DAB2: variants seen among roughly 807,000 people sequenced by gnomAD.
DAB2 encodes disabled homolog 2.
Under a neutral mutation model 71.6 loss-of-function variants are expected in DAB2, and 28 were observed. That is an observed-to-expected ratio of 0.39 (90% CI 0.29 to 0.54). The LOEUF (loss-of-function observed/expected upper bound fraction) is 0.54, where lower values mean the gene tolerates loss of function less well. Among genes scored for constraint, DAB2 ranks in the 20% least tolerant of loss-of-function variants. The pLI, the probability that DAB2 is intolerant of heterozygous loss-of-function variation, is 0.68. For missense variants in DAB2, 867 were observed against 928.8 expected (o/e 0.93, Z 0.86); for synonymous variants, 345 against 339.7 (o/e 1.02, Z -0.17).
chr5:39,376,138 A>G, intron 12 of DAB2, 32 bp from the exon 13 acceptor site: 1 of 1,565,216 alleles, frequency 6.4e-7, no homozygotes, highest in Non-Finnish European at 8.8e-7. Flanking sequence ...CAATCAGTAG[A>G]CAAGCTTTCC....
intron 6 of DAB2, among the ~76,000 whole-genome samples, 172 bp from the exon 7 acceptor site, chr5:39,389,295 T>C (rs985749352): frequency 6.6e-6 from 1 of 152,072 alleles, no homozygotes; most frequent in Non-Finnish European, 1.5e-5. Flanking sequence ...TTGAGTAGAG[T>C]TACTGGATTT....
rs776811214 is a variant in DAB2, at chr5:39,383,111, T to C, written c.848A>G (p.Asn283Ser). The part of the protein sequence containing the change: ...SFLPENAFSA[N>S]LNFFPTPNPD... ...ATTAGGGGTGGGAAAGAAGTTGAGA[T>C]TGGCAGAAAAGGCATTTTCAGGCAA... Residue 283 changes from asparagine (N) to serine (S), a missense_variant, in exon 10 of 15, where the codon AAT (asparagine) becomes AGT (serine). Asn to Ser is a conservative substitution (Grantham distance 46). Coordinates refer to ENST00000320816, the MANE Select transcript of DAB2 (RefSeq NM_001343.4). 33 of 1,613,980 alleles carry C rather than the reference T, an allele frequency of 2.0e-5. No individual in the cohort carries two copies. The highest frequency in any genetic ancestry group is 1.0e-5 in the Non-Finnish European group (12 of 1,180,038).
chr5:39,372,899 T>G lies in DAB2; in HGVS notation c.*532A>C, dbSNP rs533386656. ...GATTCCAAAGTGTCTAAGGAGAAGT[T>G]GTAGTTGCTTCAATTTTACTTTAGA... On this transcript the variant is annotated 3_prime_UTR_variant, in exon 15 of 15. Coordinates refer to ENST00000320816, the MANE Select transcript of DAB2 (RefSeq NM_001343.4). The G allele has an allele frequency of 4.9e-4, 74 of 152,224 alleles. No individual in the cohort carries two copies. The highest frequency in any genetic ancestry group is 1.7e-3 in the African/African-American group (71 of 41,552). The allele number at this position is 152,224 out of a possible 1,614,324, so 9.4% of individuals were successfully genotyped here.
At chr5:39,416,440 G>A (rs1387081212) in intron 1 of DAB2, among the ~76,000 whole-genome samples, 2 of 151,994 alleles carry the variant, frequency 1.3e-5, no homozygotes, top group Non-Finnish European at 2.9e-5. Flanking sequence ...ATCAGGTATC[G>A]GTGTTCAATT....
At chr5:39,374,957 A>C in intron 14 of DAB2, 57 bp downstream of exon 14, 1 of 1,076,108 alleles carries the variant, frequency 9.3e-7, no homozygotes, top group East Asian at 2.4e-5. Context: ...TCTTTATTCC[A>C]TGTCACCCTT....
intron 11 of DAB2, among the ~76,000 whole-genome samples, chr5:39,378,968 T>C (rs533737431): frequency 6.6e-6 from 1 of 152,326 alleles, no homozygotes; most frequent in African/African-American, 2.4e-5. Flanking sequence ...TGGGTTTAGT[T>C]TGAACAAAGT....
At chr5:39,405,319 G>A (rs1481982211) in intron 1 of DAB2, among the ~76,000 whole-genome samples, 1 of 152,146 alleles carries the variant, frequency 6.6e-6, no homozygotes, top group East Asian at 1.9e-4. Flanking sequence ...TGTGGGAGAA[G>A]AAACATATTC....
At chr5:39,423,410 G>T (rs1561383880) in intron 1 of DAB2, among the ~76,000 whole-genome samples, 2 of 6,630 alleles carry the variant, frequency 3.0e-4, no homozygotes, top group African/African-American at 1.1e-3. Flanking sequence ...TCCAAGAGGG[G>T]AGACACAGAA....
chr5:39,395,934 A>ATTTTTT (rs1561373222), intron 1 of DAB2, among the ~76,000 whole-genome samples: 75 of 32,790 alleles, frequency 2.3e-3, no homozygotes, highest in Admixed American at 3.3e-3. Flanking sequence ...AGACACAGAT[A>ATTTTTT]TTCTTTTTTT....
chr5:39,424,412 G>T (rs1057085130), intron 1 of DAB2, among the ~76,000 whole-genome samples: 1 of 151,208 alleles, frequency 6.6e-6, no homozygotes, highest in Non-Finnish European at 1.5e-5. Context: ...CCTTCGAGGA[G>T]TTAATTAGGC....
chr5:39,407,841 A>C (rs896801350), intron 1 of DAB2, among the ~76,000 whole-genome samples: 1 of 152,254 alleles, frequency 6.6e-6, no homozygotes, highest in Admixed American at 6.5e-5. Flanking sequence ...TGCTATAAAC[A>C]TTAAGCTATA....
At chr5:39,388,525 T>C (rs1275161497) in intron 8 of DAB2, among the ~76,000 whole-genome samples, 158 bp from the exon 9 acceptor site, 1 of 152,210 alleles carries the variant, frequency 6.6e-6, no homozygotes, top group Non-Finnish European at 1.5e-5. Flanking sequence ...GGTCAGGAAG[T>C]GTAGACATGT....
intron 14 of DAB2, among the ~76,000 whole-genome samples, chr5:39,374,554 G>T (rs1754775527): frequency 6.6e-6 from 1 of 152,152 alleles, no homozygotes; most frequent in Non-Finnish European, 1.5e-5. Flanking sequence ...CTTTGAGATT[G>T]CTCACAGTTA....
At chr5:39,407,946 C>T (rs756082165) in intron 1 of DAB2, among the ~76,000 whole-genome samples, 31 of 152,212 alleles carry the variant, frequency 2.0e-4, no homozygotes, top group Non-Finnish European at 3.5e-4. Context: ...TTCTCCTCTT[C>T]CGAAAACCAG....
chr5:39,416,975 C>T (rs1295892860), intron 1 of DAB2, among the ~76,000 whole-genome samples: 2 of 152,110 alleles, frequency 1.3e-5, no homozygotes, highest in Non-Finnish European at 2.9e-5. Context: ...TAAGCAATCT[C>T]CACTCAAACA....
Position 39,377,089 on chromosome 5 carries a change from G to C in DAB2, c.1698C>G (p.Pro566=), listed in dbSNP as rs1561364699. ...NQPSPFAAST[P]PPVPVVWGPS... Reference sequence around the variant, plus strand: ...GGCCCCAGACAACAGGCACTGGAGGGGGAGTTGAGGCTGCAAAGGGTGAAG... The same window carrying C: ...GGCCCCAGACAACAGGCACTGGAGGCGGAGTTGAGGCTGCAAAGGGTGAAG... Residue 566 remains proline, a synonymous_variant, in exon 12 of 15, where the codon CCC becomes CCG. Coordinates refer to ENST00000320816, the MANE Select transcript of DAB2 (RefSeq NM_001343.4). 1.9e-6 allele frequency: 3 copies of C among 1,614,164 alleles called. No homozygotes were observed. Among genetic ancestry groups the C allele is most frequent in the East Asian group, 2.2e-5 (1 of 44,866 alleles).
intron 13 of DAB2, among the ~76,000 whole-genome samples, chr5:39,375,629 A>G (rs567847227): frequency 3.1e-4 from 47 of 152,264 alleles, no homozygotes; most frequent in African/African-American, 1.1e-3. Flanking sequence ...TCATGACTGT[A>G]ATCCCAGCAC....
At chr5:39,423,178 A>AG in intron 1 of DAB2, among the ~76,000 whole-genome samples, 1 of 152,196 alleles carries the variant, frequency 6.6e-6, no homozygotes, top group Non-Finnish European at 1.5e-5. Flanking sequence ...TGGGAAAAGA[A>AG]GGGGGAAGTT....
At chr5:39,374,803 T>A (rs1166309256) in intron 14 of DAB2, 5 of 506,586 alleles carry the variant, frequency 9.9e-6, no homozygotes, top group African/African-American at 2.0e-5. Flanking sequence ...AAGGGTATAT[T>A]ACTATTTTTT....
Sources: gnomAD v4.1 joint callset for allele counts (sites outside exome capture counted in the v4.1 genomes callset) on GRCh38, gnomAD v4.1.1 for gene constraint, MANE v1.5 for transcripts, NCBI Gene and HGNC (gene_info 2026-07-23, HGNC 2026-07-21) for gene names.